Variants in ADGRB3 observed in about 807,000 individuals in gnomAD.
The protein encoded by ADGRB3 is brain-specific angiogenesis inhibitor 3.
ADGRB3 carries 37 observed loss-of-function variants against 193.4 expected under a neutral mutation model. The observed-to-expected ratio is 0.19, with a 90% CI of 0.15 to 0.25. ADGRB3 has a LOEUF of 0.25. Among genes scored for constraint, ADGRB3 ranks in the 10% least tolerant of loss-of-function variants. ADGRB3 has a pLI of 1.00. For missense variants in ADGRB3, 1,637 were observed against 1,852.9 expected (o/e 0.88, Z 2.14); for synonymous variants, 690 against 644.2 (o/e 1.07, Z -1.08).
At chr6:69,207,837 A>G (rs975483161) in intron 17 of ADGRB3, among the ~76,000 whole-genome samples, 2 of 152,184 alleles carry the variant, frequency 1.3e-5, no homozygotes. Flanking sequence ...GTGGTATACC[A>G]TGACAGTGGA....
intron 30 of ADGRB3, among the ~76,000 whole-genome samples, chr6:69,380,086 G>T (rs1287271839): frequency 4.0e-5 from 6 of 151,872 alleles, no homozygotes; most frequent in Non-Finnish European, 7.4e-5. Context: ...TCTGAATTAG[G>T]TACTACCCAT....
chr6:68,850,215 GT>G lies in ADGRB3; in HGVS notation c.758-80336del, dbSNP rs576020818. ...TACCATGGATTCTCGATTGCTCTGT[GT>G]TTTTTTTAATTTATCTTTTAATTGG... On this transcript the variant is annotated intron_variant, in intron 3 of 31. Transcript: ENST00000370598. Among the ~76,000 whole-genome samples, 81 of 151,078 alleles carry G rather than the reference GT, an allele frequency of 5.4e-4. 1 individual carries two copies. Among genetic ancestry groups the G allele is most frequent in the African/African-American group, 1.7e-3 (71 of 41,238 alleles).
rs145089614 is a variant in ADGRB3 at position 69,215,886 on chromosome 6, G to A, written c.2481-17404G>A. Among the ~76,000 whole-genome samples, 234 of 152,202 alleles carry A rather than the reference G, an allele frequency of 1.5e-3. 3 individuals are homozygous for A. The highest frequency in any genetic ancestry group is 5.2e-3 in the African/African-American group (217 of 41,506). ...TTAGGCCCTAATAATCCTCAAACTG[G>A]ATGTTGCTAACTCCTTTAATTCTTT... On this transcript the variant is annotated intron_variant, in intron 17 of 31. Coordinates refer to ENST00000370598, the MANE Select transcript of ADGRB3 (RefSeq NM_001704.3).
Position 68,841,840 on chromosome 6 carries a change from TAGAA to T in ADGRB3, c.758-88715_758-88712del, listed in dbSNP as rs142286486. ...CAATTGAACAAATGTAGATAGAAAA[TAGAA>T]AGATGGTTAACAGAGGCTAGGAAGG... is the stretch of plus-strand genomic sequence containing the variant. On this transcript the variant is annotated intron_variant, in intron 3 of 31. Transcript: ENST00000370598. 6.8e-4 allele frequency among the ~76,000 whole-genome samples: 103 copies of T among 151,974 alleles called. No individual in the cohort carries two copies. The East Asian group carries it at 9.1e-3, about 13-fold the overall frequency.
chr6:68,712,259 G>A (rs1765419489), intron 3 of ADGRB3, among the ~76,000 whole-genome samples: 1 of 151,772 alleles, frequency 6.6e-6, no homozygotes, highest in Admixed American at 6.6e-5. Context: ...TAAAGAGGCG[G>A]CAATTTTTGG....
chr6:69,298,904 T>A (rs559898944), intron 20 of ADGRB3, among the ~76,000 whole-genome samples: 1 of 152,082 alleles, frequency 6.6e-6, no homozygotes, highest in South Asian at 2.1e-4. Flanking sequence ...ACCCAGCAGT[T>A]GGATTGCTGG....
Position 69,354,291 on chromosome 6 carries a change from C to G in ADGRB3, c.3518C>G (p.Ser1173Cys), listed in dbSNP as rs868010056. 1.2e-6 allele frequency: 2 copies of G among 1,613,830 alleles called. No individual in the cohort carries two copies. The highest frequency in any genetic ancestry group is 2.7e-5 in the African/African-American group (2 of 74,882). The change falls in exon 27 of 32, where the codon TCT (serine) becomes TGT (cysteine). Residue 1173 changes from serine to cysteine, a missense_variant. Physicochemically the swap from Ser to Cys is moderately radical, Grantham distance 112. This residue lies in a region of ADGRB3 where 116 missense variants were observed against 168.1 expected (regional missense o/e 0.69). Coordinates refer to ENST00000370598, the MANE Select transcript of ADGRB3 (RefSeq NM_001704.3). ...RNCQDPINAD[S>C]SSSFPNGHAQ... ...TGTCAGGATCCCATCAATGCAGATT[C>G]TTCGAGTTCGTTTCCTAATGGGCAT...
chr6:69,055,620 G>A (rs1002876732), intron 15 of ADGRB3, among the ~76,000 whole-genome samples: 1 of 152,080 alleles, frequency 6.6e-6, no homozygotes. Flanking sequence ...ATTTCTTTGA[G>A]ATCTTTCTTT....
At chr6:69,018,158 T>G (rs1006030016) in intron 12 of ADGRB3, among the ~76,000 whole-genome samples, 11 of 152,014 alleles carry the variant, frequency 7.2e-5, no homozygotes, top group Admixed American at 3.3e-4. Context: ...TGAGTTTCCT[T>G]AGATTTATGA....
At chr6:69,224,708 A>G (rs1765972569) in intron 17 of ADGRB3, among the ~76,000 whole-genome samples, 1 of 152,172 alleles carries the variant, frequency 6.6e-6, no homozygotes, top group South Asian at 2.1e-4. Context: ...TGTATATAGC[A>G]GTACTCTTCT....
rs143079324 is a variant in ADGRB3 at position 69,192,218 on chromosome 6, C to T, written c.2481-41072C>T. ...ATCCGAAACCTCAAAGGTAAGAAAG[C>T]CAACAGTGCAGCCTTCAGTCTGCGG... On this transcript the variant is annotated intron_variant, in intron 17 of 31. Coordinates refer to ENST00000370598, the MANE Select transcript of ADGRB3 (RefSeq NM_001704.3). Among the ~76,000 whole-genome samples, 134 of 152,220 alleles carry T rather than the reference C, an allele frequency of 8.8e-4. No individual in the cohort carries two copies. In the Middle Eastern group the frequency reaches 0.01, roughly 12 times the overall value.
intron 5 of ADGRB3, among the ~76,000 whole-genome samples, chr6:68,937,565 T>C (rs1364164899): frequency 6.6e-6 from 1 of 152,164 alleles, no homozygotes; most frequent in Non-Finnish European, 1.5e-5. Flanking sequence ...TCCAGGGACC[T>C]CCAAAAGGGG....
chr6:68,974,709 G>A (rs1768690704), intron 8 of ADGRB3, 54 bp from the exon 9 acceptor site: 1 of 1,508,668 alleles, frequency 6.6e-7, no homozygotes, highest in Non-Finnish European at 9.2e-7. Context: ...ATTGTTTATT[G>A]CCAAAATTTT....
chr6:69,018,521 C>A (rs765124215), intron 13 of ADGRB3, 22 bp downstream of exon 13: 22 of 1,520,632 alleles, frequency 1.4e-5, no homozygotes, highest in Admixed American at 8.9e-5. Context: ...GATTTTCCCC[C>A]AAAATCTTTC....
chr6:68,796,286 A>T (rs548538926), intron 3 of ADGRB3, among the ~76,000 whole-genome samples: 3 of 152,074 alleles, frequency 2.0e-5, no homozygotes, highest in African/African-American at 7.2e-5. Flanking sequence ...TATATACTGT[A>T]CTGACTGGAA....
chr6:69,318,923 C>T (rs1768378112), intron 20 of ADGRB3, among the ~76,000 whole-genome samples: 1 of 150,110 alleles, frequency 6.7e-6, no homozygotes, highest in African/African-American at 2.4e-5. Flanking sequence ...TTTGCTTTTT[C>T]TCTCACCTTT....
intron 17 of ADGRB3, among the ~76,000 whole-genome samples, chr6:69,076,851 T>G (rs1464368662): frequency 6.6e-6 from 1 of 152,006 alleles, no homozygotes; most frequent in Admixed American, 6.6e-5. Context: ...ACCATATTGT[T>G]GGACTGTATG....
chr6:68,878,303 C>A (rs1765645381), intron 3 of ADGRB3, among the ~76,000 whole-genome samples: 1 of 151,802 alleles, frequency 6.6e-6, no homozygotes, highest in Non-Finnish European at 1.5e-5. Context: ...TTATTTAAAA[C>A]CATGTTTATA....
At chr6:68,892,257 G>A (rs1766100147) in intron 3 of ADGRB3, among the ~76,000 whole-genome samples, 1 of 152,126 alleles carries the variant, frequency 6.6e-6, no homozygotes, top group African/African-American at 2.4e-5. Flanking sequence ...TTGTTGAGGA[G>A]TAGGATCCAA....
Sources: gnomAD v4.1 joint callset for allele counts (sites outside exome capture counted in the v4.1 genomes callset) on GRCh38, gnomAD v4.1.1 for gene constraint, gnomAD v4.1.1 regional missense constraint, MANE v1.5 for transcripts, NCBI Gene and HGNC (gene_info 2026-07-23, HGNC 2026-07-21) for gene names.